Variants in IQCH observed in about 807,000 individuals in gnomAD.
IQCH encodes IQ motif containing H.
In IQCH, 98 loss-of-function variants were observed where a neutral mutation model predicts 117.0. The ratio of observed to expected loss-of-function variants is 0.84; its 90% CI spans 0.71 to 0.99. The LOEUF (loss-of-function observed/expected upper bound fraction) is 0.99, where lower values mean the gene tolerates loss of function less well. IQCH is among the 50% of genes least tolerant of loss of function. The pLI, the probability that IQCH is intolerant of heterozygous loss-of-function variation, is 0.00. For missense variants in IQCH, 1,102 were observed against 1,243.8 expected (o/e 0.89, Z 1.72); for synonymous variants, 412 against 448.2 (o/e 0.92, Z 1.02).
In IQCH at chr15:67,373,442, C is replaced by G. The variant is rs1356698427; in HGVS notation, c.1372+9C>G. ...CCATATCCCATCATTAGGTATAACA[C>G]TTTTGCCTGCAAATCTATCAGCAAC... is the stretch of plus-strand genomic sequence containing the variant. On this transcript the variant is annotated intron_variant, in intron 10 of 20. Coordinates refer to ENST00000335894, the MANE Select transcript of IQCH (RefSeq NM_001031715.3). The G allele has an allele frequency of 6.3e-7, 1 of 1,580,730 alleles. No individual in the cohort carries two copies. Among genetic ancestry groups the G allele is most frequent in the Non-Finnish European group, 8.7e-7 (1 of 1,150,036 alleles).
At position 67,337,181 on chromosome 15, in the gene IQCH, T is replaced by C. The variant is rs550982703; in HGVS notation, c.508+86T>C. ...GGATCGGAGGCCTGAATTTGGACTC[T>C]GGCTCAGCCACTAATTCTCCTGGGT... On this transcript the variant is annotated intron_variant, in intron 5 of 20. Coordinates refer to ENST00000335894, the MANE Select transcript of IQCH (RefSeq NM_001031715.3). The C allele has an allele frequency of 2.4e-5, 35 of 1,464,866 alleles. No individual in the cohort carries two copies. The African/African-American group carries it at 4.6e-4, about 19-fold the overall frequency. 90.7% of individuals were successfully genotyped at this position (1,464,866 alleles called of 1,614,324 possible).
chr15:67,376,237 G>T lies in IQCH; in HGVS notation c.1372+2804G>T, dbSNP rs1970734320. Reference sequence around the variant, plus strand: ...CTTTTTTTGTGTACCACATCCCTGGGAGTCCTTAAAGAAGATTTCAGCTAG... The same window carrying T: ...CTTTTTTTGTGTACCACATCCCTGGTAGTCCTTAAAGAAGATTTCAGCTAG... On this transcript the variant is annotated intron_variant, in intron 10 of 20. Transcript: ENST00000335894. The surrounding 1 kb of genome is among the most constrained non-coding windows in gnomAD (Gnocchi z 5.0). 7.2e-5 allele frequency among the ~76,000 whole-genome samples: 11 copies of T among 152,072 alleles called. No homozygotes were observed. Among genetic ancestry groups the T allele is most frequent in the Admixed American group, 7.2e-4 (11 of 15,268 alleles).
chr15:67,467,213 ACT>A lies in IQCH; in HGVS notation c.2676+1919_2676+1920del, dbSNP rs557826048. Among the ~76,000 whole-genome samples the A allele has an allele frequency of 4.6e-5, 7 of 152,044 alleles. No individual in the cohort carries two copies. Among genetic ancestry groups the A allele is most frequent in the African/African-American group, 7.3e-5 (3 of 41,374 alleles). On this transcript the variant is annotated intron_variant, in intron 17 of 20. Transcript: ENST00000335894. The surrounding 1 kb of genome is among the most constrained non-coding windows in gnomAD (Gnocchi z 5.7). ...ACTCCAGCCTAGTTGACAGAGTGAG[ACT>A]CTGTCTCAAAAAATAAAAATAAAAA... is the stretch of plus-strand genomic sequence containing the variant.
At chr15:67,300,021 G>T (rs528354595) in intron 4 of IQCH, among the ~76,000 whole-genome samples, 1 of 152,198 alleles carries the variant, frequency 6.6e-6, no homozygotes, top group Non-Finnish European at 1.5e-5. Context: ...GAATTACAAA[G>T]TAGTGATTTT....
chr15:67,464,561 C>T (rs6494659), intron 16 of IQCH, among the ~76,000 whole-genome samples: 132,512 of 152,190 alleles, frequency 0.87, 57,764 homozygotes, highest in African/African-American at 0.91. Context: ...CATTGTAGGA[C>T]TGGTAAAATA....
At chr15:67,268,456 T>C (rs1036405965) in intron 3 of IQCH, among the ~76,000 whole-genome samples, 1 of 152,254 alleles carries the variant, frequency 6.6e-6, no homozygotes, top group African/African-American at 2.4e-5. Context: ...GCTTGTGATA[T>C]CTGCTCACAC....
intron 5 of IQCH, among the ~76,000 whole-genome samples, chr15:67,343,231 G>C (rs1056906036): frequency 6.6e-6 from 1 of 152,094 alleles, no homozygotes; most frequent in Non-Finnish European, 1.5e-5. Flanking sequence ...ATTTTGTTGA[G>C]ACCCAGAGCT....
chr15:67,452,208 C>A (rs1367176490), intron 16 of IQCH, among the ~76,000 whole-genome samples: 1 of 152,162 alleles, frequency 6.6e-6, no homozygotes, highest in Non-Finnish European at 1.5e-5. Context: ...TTAATTGGAG[C>A]ATTTAGCCCA....
At chr15:67,375,782 ATTTT>A (rs56656205) in intron 10 of IQCH, among the ~76,000 whole-genome samples, 3 of 90,366 alleles carry the variant, frequency 3.3e-5, no homozygotes, top group Admixed American at 1.2e-4. Flanking sequence ...TTTGTTTTGG[ATTTT>A]TTTTTTTTTT....
intron 10 of IQCH, 102 bp downstream of exon 10, chr15:67,373,535 G>C (rs921912182): frequency 5.0e-6 from 4 of 804,532 alleles, no homozygotes; most frequent in Non-Finnish European, 8.7e-6. Flanking sequence ...TATTCAAATT[G>C]GTCTCGGCAG....
Position 67,494,426 on chromosome 15 carries a change from C to T in IQCH, c.2970+60C>T, listed in dbSNP as rs2083750342. ...TTCTATACAAGGGCTGAAAATACCT[C>T]ATGCTGTATTGTAAACAAGTGCTAA... On this transcript the variant is annotated intron_variant, in intron 20 of 20. Transcript: ENST00000335894. The surrounding 1 kb of genome is among the most constrained non-coding windows in gnomAD (Gnocchi z 5.5). 1 of 1,139,402 alleles carries T rather than the reference C, an allele frequency of 8.8e-7. No homozygotes were observed. Among genetic ancestry groups the T allele is most frequent in the Non-Finnish European group, 1.3e-6 (1 of 769,880 alleles). The allele number at this position is 1,139,402 out of a possible 1,614,324, so 70.6% of individuals were successfully genotyped here. A position where few individuals can be genotyped will look rare whatever the true frequency, so the allele number is the denominator to read the frequency against.
Position 67,407,224 on chromosome 15 carries a change from A to C in IQCH, c.2097+6919A>C, listed in dbSNP as rs1446381579. Reference sequence around the variant, plus strand: ...ATATAAAACAGTTCCATTTATTTGAACTTTCTATGAGTTGAATAAAGAGGC... The same window carrying C: ...ATATAAAACAGTTCCATTTATTTGACCTTTCTATGAGTTGAATAAAGAGGC... On this transcript the variant is annotated intron_variant, in intron 14 of 20. Transcript: ENST00000335894. This position sits in a 1 kb window ranked among gnomAD's most constrained non-coding sequence, Gnocchi z 5.3. 2 of 152,202 alleles carry C rather than the reference A, an allele frequency of 1.3e-5. No individual in the cohort carries two copies. The highest frequency in any genetic ancestry group is 4.8e-5 in the African/African-American group (2 of 41,448). 9.4% of individuals were successfully genotyped at this position (152,202 alleles called of 1,614,324 possible).
rs1230638661 is a variant in IQCH at position 67,424,125 on chromosome 15, A to C, written c.2505+2548A>C. On this transcript the variant is annotated intron_variant, in intron 16 of 20. Transcript: ENST00000335894. This position sits in a 1 kb window ranked among gnomAD's most constrained non-coding sequence, Gnocchi z 4.9. ...CTTGGCTGGTTCCATGTACCTGGCCAGTCTTGTCTCACCCTAACTTGCCCT... is the reference window on the plus strand; with the variant it reads ...CTTGGCTGGTTCCATGTACCTGGCCCGTCTTGTCTCACCCTAACTTGCCCT... Among the ~76,000 whole-genome samples, 2 of 152,166 alleles carry C rather than the reference A, an allele frequency of 1.3e-5. No homozygotes were observed. Among genetic ancestry groups the C allele is most frequent in the African/African-American group, 4.8e-5 (2 of 41,440 alleles).
chr15:67,338,632 G>GTCTT (rs1969009829), intron 5 of IQCH, among the ~76,000 whole-genome samples: 1 of 152,110 alleles, frequency 6.6e-6, no homozygotes, highest in African/African-American at 2.4e-5. Flanking sequence ...TTTGAAAAAT[G>GTCTT]AACTTCAAAC....
At chr15:67,379,381 T>C (rs1021752988) in intron 10 of IQCH, among the ~76,000 whole-genome samples, 4 of 152,244 alleles carry the variant, frequency 2.6e-5, no homozygotes, top group Non-Finnish European at 5.9e-5. Context: ...ATAAACTTTT[T>C]GTCTTTTGTA....
intron 3 of IQCH, among the ~76,000 whole-genome samples, chr15:67,269,241 A>G (rs569904156): frequency 3.3e-5 from 5 of 152,218 alleles, no homozygotes; most frequent in Non-Finnish European, 7.3e-5. Context: ...TAAGGAAAAC[A>G]AATTAAACCA....
chr15:67,267,345 CAG>C lies in IQCH; in HGVS notation c.269+4130_269+4131del, dbSNP rs199516064. Reference sequence around the variant, plus strand: ...TTTGCAGTTTTCTTTCACTGGCTCTCAGGGGGGCATCCTAGCATCTGCATTTT... The same window carrying C: ...TTTGCAGTTTTCTTTCACTGGCTCTCGGGGGCATCCTAGCATCTGCATTTT... On this transcript the variant is annotated intron_variant, in intron 3 of 20. Transcript: ENST00000335894. Among the ~76,000 whole-genome samples the C allele has an allele frequency of 9.0e-3, 1,377 of 152,290 alleles. 21 individuals carry two copies. Among genetic ancestry groups the C allele is most frequent in the Admixed American group, 0.025 (379 of 15,294 alleles).
Position 67,490,118 on chromosome 15 carries a change from CAACT to C in IQCH, c.2861+58_2861+61del. The C allele has an allele frequency of 8.7e-7, 1 of 1,155,842 alleles. No individual in the cohort carries two copies. The highest frequency in any genetic ancestry group is 1.3e-6 in the Non-Finnish European group (1 of 770,640). 71.6% of individuals were successfully genotyped at this position (1,155,842 alleles called of 1,614,324 possible). ...AATAAGCTAAGGAAATAGACAATCA[CAACT>C]AACAAGAATGATGCTTCTCATGCAT... On this transcript the variant is annotated intron_variant, in intron 19 of 20. Coordinates refer to ENST00000335894, the MANE Select transcript of IQCH (RefSeq NM_001031715.3). The surrounding 1 kb of genome is among the most constrained non-coding windows in gnomAD (Gnocchi z 4.9).
chr15:67,500,789 T>C lies in IQCH; in HGVS notation c.*43T>C, dbSNP rs372741733. ...TAACAATTTGGATCCCAGTCTGGAA[T>C]AAAAAGGGCAATTTTTTTTTCTGTT... On this transcript the variant is annotated 3_prime_UTR_variant, in exon 21 of 21. Coordinates refer to ENST00000335894, the MANE Select transcript of IQCH (RefSeq NM_001031715.3). This position sits in a 1 kb window ranked among gnomAD's most constrained non-coding sequence, Gnocchi z 4.4. The C allele has an allele frequency of 2.9e-6, 3 of 1,051,562 alleles. No homozygotes were observed. Among genetic ancestry groups the C allele is most frequent in the African/African-American group, 3.2e-5 (2 of 61,804 alleles). 65.1% of individuals were successfully genotyped at this position (1,051,562 alleles called of 1,614,324 possible).
Sources: allele counts gnomAD v4.1 joint callset (sites outside exome capture counted in the v4.1 genomes callset), GRCh38; gene constraint gnomAD v4.1.1; non-coding constraint Gnocchi (gnomAD v3.1); transcripts MANE v1.5; gene names NCBI Gene and HGNC (gene_info 2026-07-23, HGNC 2026-07-21).